Variants in PCDHA2 observed in about 807,000 individuals in gnomAD.
The protein encoded by PCDHA2 is protocadherin alpha-2.
Under a neutral mutation model 66.0 loss-of-function variants are expected in PCDHA2, and 58 were observed. The observed-to-expected ratio is 0.88, with a 90% CI of 0.71 to 1.09. PCDHA2 has a LOEUF of 1.09. Ranked by LOEUF, PCDHA2 falls within the 50% of genes least tolerant of loss-of-function variation. The probability of loss-of-function intolerance (pLI) is 0.00; values close to 1 mark genes in which losing one functional copy is unlikely to be tolerated. For missense variants in PCDHA2, 1,267 were observed against 1,242.3 expected, an observed-to-expected ratio of 1.02 and a Z score of -0.30; for synonymous variants, 634 against 554.0, an observed-to-expected ratio of 1.14 and a Z score of -2.03.
intron 1 of PCDHA2, chr5:140,835,529 C>A (rs2150237591): frequency 1.2e-6 from 2 of 1,613,850 alleles, no homozygotes; most frequent in Admixed American, 1.7e-5. Context: ...TTGGAGTCAA[C>A]GGACAGGTTA....
chr5:140,991,244 G>A (rs535469323), intron 3 of PCDHA2, among the ~76,000 whole-genome samples: 2 of 152,278 alleles, frequency 1.3e-5, no homozygotes, highest in South Asian at 4.1e-4. Flanking sequence ...GGTAAAGGCA[G>A]TATTTGAACT....
intron 1 of PCDHA2, among the ~76,000 whole-genome samples, chr5:140,972,533 T>C (rs2096540643): frequency 6.6e-6 from 1 of 152,134 alleles, no homozygotes; most frequent in African/African-American, 2.4e-5. Flanking sequence ...ATTTCATAAA[T>C]CACTTGTGCA....
intron 1 of PCDHA2, among the ~76,000 whole-genome samples, chr5:140,957,961 G>C (rs1188264296): frequency 6.6e-6 from 1 of 152,048 alleles, no homozygotes; most frequent in Non-Finnish European, 1.5e-5. Flanking sequence ...TATTAATTCA[G>C]AGATGCTGTA....
At chr5:141,001,388 TAC>T (rs1234412755) in intron 3 of PCDHA2, among the ~76,000 whole-genome samples, 4 of 152,238 alleles carry the variant, frequency 2.6e-5, no homozygotes, top group Non-Finnish European at 5.9e-5. Flanking sequence ...CCTAAGATCC[TAC>T]AGAGAACAGG....
intron 1 of PCDHA2, chr5:140,851,881 T>C: frequency 1.0e-6 from 1 of 977,870 alleles, no homozygotes; most frequent in Non-Finnish European, 1.2e-6. Context: ...GGCAGAAATC[T>C]GGATATGAGA....
intron 1 of PCDHA2, among the ~76,000 whole-genome samples, chr5:140,922,126 G>A (rs1206223275): frequency 1.3e-5 from 2 of 151,970 alleles, no homozygotes; most frequent in Non-Finnish European, 2.9e-5. Flanking sequence ...ACCTTTAAAT[G>A]TCTCTTATCC....
intron 1 of PCDHA2, among the ~76,000 whole-genome samples, chr5:140,955,110 T>C (rs915501300): frequency 7.2e-5 from 11 of 152,274 alleles, no homozygotes; most frequent in African/African-American, 2.6e-4. Flanking sequence ...TTCTGAGTTC[T>C]CTATTCTGTT....
intron 1 of PCDHA2, chr5:140,856,057 C>T: frequency 6.3e-7 from 1 of 1,587,068 alleles, no homozygotes; most frequent in East Asian, 2.2e-5. Flanking sequence ...AGATGGTTTC[C>T]AGATGTAGCT....
intron 1 of PCDHA2, chr5:140,808,944 G>T: frequency 1.2e-6 from 2 of 1,613,698 alleles, no homozygotes; most frequent in Non-Finnish European, 1.7e-6. Flanking sequence ...TGGTCGGTGG[G>T]TGTGGGCCAC....
chr5:140,831,690 G>A (rs191076937), intron 1 of PCDHA2, among the ~76,000 whole-genome samples: 1 of 152,120 alleles, frequency 6.6e-6, no homozygotes, highest in Non-Finnish European at 1.5e-5. Context: ...ATGAAAAGCA[G>A]CAAAAAGTAG....
chr5:140,901,588 T>A (rs1245761513), intron 1 of PCDHA2, among the ~76,000 whole-genome samples: 1 of 152,176 alleles, frequency 6.6e-6, no homozygotes, highest in Non-Finnish European at 1.5e-5. Flanking sequence ...TGCCATGATG[T>A]TTTGGTTACT....
intron 1 of PCDHA2, chr5:140,812,106 G>C (rs1210972829): frequency 6.7e-6 from 1 of 150,088 alleles, no homozygotes; most frequent in Non-Finnish European, 1.5e-5. Flanking sequence ...TTCTTTAAAA[G>C]TTTGGTAGAA....
rs1762181001 is a variant in PCDHA2, at chr5:140,797,074, A to G, written c.2110A>G (p.Ile704Val). The stretch of plus-strand genomic sequence containing the variant: ...TGTCAACGTGTACCTGATCATCGCC[A>G]TCTGCGCGGTATCCAGCCTGTTGGT... The part of the protein sequence containing the change: ...VDVNVYLIIA[I>V]CAVSSLLVLT... Residue 704 changes from isoleucine (I) to valine (V), a missense_variant, in exon 1 of 4, where the codon ATC (isoleucine) becomes GTC (valine). Physicochemically the swap from Ile to Val is conservative, Grantham distance 29. Transcript: ENST00000526136. 1 of 1,613,886 alleles carries G rather than the reference A, an allele frequency of 6.2e-7. No individual in the cohort carries two copies.
chr5:140,801,521 G>A (rs2149951209), intron 1 of PCDHA2: 9 of 1,614,234 alleles, frequency 5.6e-6, no homozygotes, highest in Non-Finnish European at 7.6e-6. Context: ...ACCTGGAGGT[G>A]ATCGTGGACA....
chr5:140,963,072 CAG>C (rs1366711310), intron 1 of PCDHA2, among the ~76,000 whole-genome samples: 5 of 151,824 alleles, frequency 3.3e-5, no homozygotes, highest in African/African-American at 1.2e-4. Flanking sequence ...GTGAAGGAGA[CAG>C]AAATATAAGA....
chr5:140,797,274 G>A lies in PCDHA2; in HGVS notation c.2310G>A (p.Met770Ile). Residue 770 changes from methionine to isoleucine, a missense_variant, in exon 1 of 4, where the codon ATG becomes ATA. Met to Ile is a conservative substitution (Grantham distance 10). Coordinates refer to ENST00000526136, the MANE Select transcript of PCDHA2 (RefSeq NM_018905.3). ...SGEDPPKTDL[M>I]AFSPSLSQGP... ...AGGACCCCCCCAAGACGGACCTCAT[G>A]GCCTTCAGCCCTAGCTTATCTCAAG... 4 of 1,614,232 alleles carry A rather than the reference G, an allele frequency of 2.5e-6. No homozygotes were observed. The highest frequency in any genetic ancestry group is 3.4e-6 in the Non-Finnish European group (4 of 1,180,044).
chr5:140,807,024 G>T (rs1763832295), intron 1 of PCDHA2: 2 of 843,052 alleles, frequency 2.4e-6, no homozygotes, highest in Non-Finnish European at 1.8e-6. Context: ...CATGAGAGAA[G>T]GAGGAAGAAG....
At position 140,924,955 on chromosome 5, in the gene PCDHA2, T is replaced by C. The variant is rs571597374; in HGVS notation, c.2389-53994T>C. Among the ~76,000 whole-genome samples, 96 of 145,332 alleles carry C rather than the reference T, an allele frequency of 6.6e-4. 1 individual carries two copies. The South Asian group carries it at 0.02, about 30-fold the overall frequency. The stretch of plus-strand genomic sequence containing the variant: ...ATAAAATAAAAAGTTAAAAAAAAAA[T>C]GCAAGGTGAGTGCAGTGGCTCATGT... On this transcript the variant is annotated intron_variant, in intron 1 of 3. Transcript: ENST00000526136.
chr5:140,853,173 C>T, intron 1 of PCDHA2: 1 of 969,590 alleles, frequency 1.0e-6, no homozygotes, highest in South Asian at 4.8e-5. Context: ...GCCACCGCGC[C>T]TGGCCTAAAA....
Sources: gnomAD v4.1 joint callset for allele counts (sites outside exome capture counted in the v4.1 genomes callset) on GRCh38, gnomAD v4.1.1 for gene constraint, MANE v1.5 for transcripts, NCBI Gene and HGNC (gene_info 2026-07-23, HGNC 2026-07-21) for gene names.